The following ZBTB7C variants were observed in gnomAD, a reference collection of about 807,000 sequenced individuals.
The protein encoded by ZBTB7C is zinc finger and BTB domain containing 7C.
Under a neutral mutation model 25.7 loss-of-function variants are expected in ZBTB7C, and 8 were observed. The ratio of observed to expected loss-of-function variants is 0.31; its 90% CI spans 0.18 to 0.56. The LOEUF (loss-of-function observed/expected upper bound fraction) is 0.56, where lower values mean the gene tolerates loss of function less well. ZBTB7C is among the 20% of genes least tolerant of loss of function. The pLI is 0.91. For missense variants in ZBTB7C, 824 were observed against 855.2 expected, an observed-to-expected ratio of 0.96 and a Z score of 0.46; for synonymous variants, 394 against 369.0, an observed-to-expected ratio of 1.07 and a Z score of -0.78.
intron 3 of ZBTB7C, among the ~76,000 whole-genome samples, chr18:48,174,467 C>T (rs1398623072): frequency 6.6e-6 from 1 of 152,218 alleles, no homozygotes; most frequent in Non-Finnish European, 1.5e-5. Flanking sequence ...CGTGGGAAAA[C>T]AGGAATGCAA....
intron 2 of ZBTB7C, among the ~76,000 whole-genome samples, chr18:48,282,115 G>A (rs2044871863): frequency 6.6e-6 from 1 of 150,670 alleles, no homozygotes; most frequent in African/African-American, 2.5e-5. Flanking sequence ...TATACACCAT[G>A]GAATACTATG....
At chr18:48,395,942 TA>T (rs1382821460) in intron 1 of ZBTB7C, among the ~76,000 whole-genome samples, 2 of 152,160 alleles carry the variant, frequency 1.3e-5, no homozygotes, top group Non-Finnish European at 2.9e-5. Flanking sequence ...CTTCTGCAAA[TA>T]GGTGACTCTC....
rs1249382880 is a variant in ZBTB7C at position 48,026,983 on chromosome 18, C to T, written c.*2277G>A. 2 of 151,720 alleles carry T rather than the reference C, an allele frequency of 1.3e-5. No individual in the cohort carries two copies. Among genetic ancestry groups the T allele is most frequent in the Admixed American group, 6.6e-5 (1 of 15,222 alleles). 9.4% of individuals were successfully genotyped at this position (151,720 alleles called of 1,614,324 possible). A position where few individuals can be genotyped will look rare whatever the true frequency, so the allele number is the denominator to read the frequency against. On this transcript the variant is annotated 3_prime_UTR_variant, in exon 5 of 5. Transcript: ENST00000590800. Reference sequence around the variant, plus strand: ...TGCGACCGAAGTTATGGAAGATTGTCCCTTGAATCACTAAGGCAAACTTTG... The same window carrying T: ...TGCGACCGAAGTTATGGAAGATTGTTCCTTGAATCACTAAGGCAAACTTTG...
At chr18:48,037,451 C>T (rs1015043963) in intron 4 of ZBTB7C, among the ~76,000 whole-genome samples, 1 of 152,226 alleles carries the variant, frequency 6.6e-6, no homozygotes, top group African/African-American at 2.4e-5. Flanking sequence ...CTGCCCAAAC[C>T]AGGACGCCCA....
chr18:48,275,511 C>T (rs995498552), intron 2 of ZBTB7C, among the ~76,000 whole-genome samples: 10 of 152,118 alleles, frequency 6.6e-5, no homozygotes, highest in African/African-American at 2.4e-4. Flanking sequence ...GAGTCCAGAT[C>T]CCCGACTGAG....
At position 48,155,536 on chromosome 18, in the gene ZBTB7C, C is replaced by T. The variant is rs186001253; in HGVS notation, c.-17+30398G>A. Among the ~76,000 whole-genome samples the T allele has an allele frequency of 8.7e-3, 1,325 of 151,484 alleles. 24 individuals are homozygous for T. Among genetic ancestry groups the T allele is most frequent in the African/African-American group, 0.03 (1,222 of 41,204 alleles). ...TTTTTTAGTAGAGACGGGGTTTCAC[C>T]GCATTAGCCAGGATGGTCGCAATCT... On this transcript the variant is annotated intron_variant, in intron 3 of 4. Coordinates refer to ENST00000590800, the MANE Select transcript of ZBTB7C (RefSeq NM_001318841.2).
chr18:48,259,737 A>AATGGCAAGT (rs773020239), intron 2 of ZBTB7C, among the ~76,000 whole-genome samples: 165 of 152,250 alleles, frequency 1.1e-3, no homozygotes, highest in Non-Finnish European at 1.8e-3. Flanking sequence ...AAAAAATATG[A>AATGGCAAGT]ATGGCAAGTA....
intron 2 of ZBTB7C, among the ~76,000 whole-genome samples, chr18:48,218,824 C>T (rs1489268213): frequency 6.6e-6 from 1 of 152,178 alleles, no homozygotes; most frequent in Non-Finnish European, 1.5e-5. Context: ...ACCACTAGCC[C>T]TCAGGGCTGC....
intron 3 of ZBTB7C, among the ~76,000 whole-genome samples, chr18:48,175,250 G>A (rs1018740757): frequency 1.2e-4 from 19 of 152,342 alleles, no homozygotes; most frequent in Admixed American, 1.0e-3. Context: ...AACATGGCAT[G>A]GTGAGGTGGG....
chr18:48,353,904 A>T (rs1392315162), intron 1 of ZBTB7C, among the ~76,000 whole-genome samples: 3 of 152,256 alleles, frequency 2.0e-5, no homozygotes, highest in Non-Finnish European at 2.9e-5. Context: ...GCCATCCTGC[A>T]TTTTCCATTG....
intron 3 of ZBTB7C, among the ~76,000 whole-genome samples, chr18:48,102,063 G>C (rs1278620521): frequency 2.0e-5 from 3 of 152,106 alleles, no homozygotes; most frequent in Admixed American, 6.5e-5. Flanking sequence ...GCTAAAAAAA[G>C]CTTCTCACAC....
In ZBTB7C at chr18:48,216,551, G is replaced by A. The variant is rs552014340; in HGVS notation, c.-78-30556C>T. Among the ~76,000 whole-genome samples, 4 of 152,210 alleles carry A rather than the reference G, an allele frequency of 2.6e-5. No homozygotes were observed. In the South Asian group the frequency reaches 6.2e-4, roughly 24 times the overall value. On this transcript the variant is annotated intron_variant, in intron 2 of 4. Coordinates refer to ENST00000590800, the MANE Select transcript of ZBTB7C (RefSeq NM_001318841.2). The stretch of plus-strand genomic sequence containing the variant: ...GGGGGCGAAGGTGGCATACACTGAC[G>A]AGTCCCAAACCTGGGTCTCCGGGCC...
chr18:48,121,412 T>A (rs551689886), intron 3 of ZBTB7C, among the ~76,000 whole-genome samples: 33 of 142,142 alleles, frequency 2.3e-4, no homozygotes, highest in South Asian at 1.1e-3. Flanking sequence ...TTTTTTTTTT[T>A]TAAAAAAATG....
chr18:48,105,079 C>G (rs1221168364), intron 3 of ZBTB7C, among the ~76,000 whole-genome samples: 1 of 152,238 alleles, frequency 6.6e-6, no homozygotes, highest in Non-Finnish European at 1.5e-5. Context: ...GGGGTTAAAC[C>G]TTGTCCAGAG....
At chr18:48,315,962 T>A (rs2045938575) in intron 2 of ZBTB7C, among the ~76,000 whole-genome samples, 1 of 152,022 alleles carries the variant, frequency 6.6e-6, no homozygotes, top group Admixed American at 6.6e-5. Context: ...GGATCAGCAA[T>A]TTTCACTGTC....
intron 3 of ZBTB7C, among the ~76,000 whole-genome samples, chr18:48,067,091 G>T (rs2144365643): frequency 1.3e-5 from 2 of 151,850 alleles, no homozygotes; most frequent in South Asian, 4.2e-4. Context: ...GACAGAGCAA[G>T]TCTCCATCTC....
chr18:48,196,912 T>C (rs149308327), intron 2 of ZBTB7C, among the ~76,000 whole-genome samples: 1 of 152,324 alleles, frequency 6.6e-6, no homozygotes, highest in East Asian at 1.9e-4. Context: ...CATTCTGCCT[T>C]CCTCTTGGAA....
intron 2 of ZBTB7C, among the ~76,000 whole-genome samples, chr18:48,293,633 A>G (rs1193893389): frequency 2.0e-5 from 3 of 152,184 alleles, no homozygotes; most frequent in Non-Finnish European, 4.4e-5. Context: ...TGAACAGACC[A>G]AGTATAAATC....
chr18:48,391,182 G>A lies in ZBTB7C; in HGVS notation c.-304+18044C>T, dbSNP rs559276141. On this transcript the variant is annotated intron_variant, in intron 1 of 4. Coordinates refer to ENST00000590800, the MANE Select transcript of ZBTB7C (RefSeq NM_001318841.2). ...ATCTGGGTGACCGCCGCCATGTGAC[G>A]CAGCAGCCTCAGAACTGAGCCAGCC... 6.8e-4 allele frequency among the ~76,000 whole-genome samples: 103 copies of A among 152,282 alleles called. 1 individual carries two copies. The highest frequency in any genetic ancestry group is 2.3e-3 in the African/African-American group (96 of 41,568).
Sources: allele counts gnomAD v4.1 joint callset (sites outside exome capture counted in the v4.1 genomes callset), GRCh38; gene constraint gnomAD v4.1.1; transcripts MANE v1.5; gene names NCBI Gene and HGNC (gene_info 2026-07-23, HGNC 2026-07-21).